Variants in DLG2 observed in about 807,000 individuals in gnomAD.
The protein encoded by DLG2 is disks large homolog 2.
A neutral mutation model predicts 132.5 loss-of-function variants in DLG2; 45 were observed. The observed-to-expected ratio is 0.34, with a 90% CI of 0.27 to 0.44. The LOEUF (loss-of-function observed/expected upper bound fraction) is 0.44, where lower values mean the gene tolerates loss of function less well. Ranked by LOEUF, DLG2 falls within the 20% of genes least tolerant of loss-of-function variation. The pLI is 1.00. For missense variants in DLG2, 1,045 were observed against 1,196.9 expected, an observed-to-expected ratio of 0.87 and a Z score of 1.87; for synonymous variants, 424 against 419.6, an observed-to-expected ratio of 1.01 and a Z score of -0.13.
At chr11:84,480,756 C>A (rs373795104) in intron 7 of DLG2, among the ~76,000 whole-genome samples, 2 of 113,038 alleles carry the variant, frequency 1.8e-5, no homozygotes, top group African/African-American at 3.2e-5. Flanking sequence ...TGGGGGTTTT[C>A]TTTTTTTTTT....
intron 7 of DLG2, among the ~76,000 whole-genome samples, chr11:84,469,502 A>T (rs973141087): frequency 6.6e-6 from 1 of 151,680 alleles, no homozygotes; most frequent in Admixed American, 6.6e-5. Context: ...TTCAGTAGCA[A>T]CAAATCCTTG....
At chr11:83,724,805 C>A (rs990429359) in intron 18 of DLG2, 4 of 701,844 alleles carry the variant, frequency 5.7e-6, no homozygotes, top group South Asian at 3.0e-5. Flanking sequence ...ACACCTCCCC[C>A]ACATGGTCTG....
chr11:84,201,114 T>C, intron 8 of DLG2, among the ~76,000 whole-genome samples: 1 of 152,194 alleles, frequency 6.6e-6, no homozygotes, highest in East Asian at 1.9e-4. Context: ...TTTTGAGGTA[T>C]GTTCCTTCAA....
chr11:83,821,510 G>A (rs2050783763), intron 17 of DLG2, among the ~76,000 whole-genome samples: 1 of 152,010 alleles, frequency 6.6e-6, no homozygotes, highest in African/African-American at 2.4e-5. Flanking sequence ...CATGCATTAC[G>A]ACCATGTTCA....
chr11:84,773,648 T>C (rs2069831797), intron 6 of DLG2, among the ~76,000 whole-genome samples: 1 of 151,732 alleles, frequency 6.6e-6, no homozygotes, highest in Non-Finnish European at 1.5e-5. Context: ...AATACGAAAA[T>C]CAATAAATGT....
chr11:83,994,601 A>G (rs192814059), intron 11 of DLG2, among the ~76,000 whole-genome samples: 1 of 152,250 alleles, frequency 6.6e-6, no homozygotes, highest in Admixed American at 6.5e-5. Context: ...TTCCATAAGC[A>G]TACTTTAACA....
intron 6 of DLG2, among the ~76,000 whole-genome samples, chr11:84,826,528 C>T (rs756486357): frequency 6.6e-6 from 1 of 151,856 alleles, no homozygotes; most frequent in East Asian, 1.9e-4. Flanking sequence ...TGGAATTGTT[C>T]TTTAATTCCT....
intron 19 of DLG2, among the ~76,000 whole-genome samples, chr11:83,587,808 G>A (rs985511943): frequency 6.6e-5 from 10 of 152,192 alleles, no homozygotes; most frequent in South Asian, 2.1e-4. Flanking sequence ...CCGAAGCAGG[G>A]CGAGGCATTG....
At chr11:84,470,214 G>C (rs10501564) in intron 7 of DLG2, among the ~76,000 whole-genome samples, 57,624 of 151,510 alleles carry the variant, frequency 0.38, 14,503 homozygotes, top group African/African-American at 0.72. Flanking sequence ...TCTAAATCAG[G>C]AAAGATAAGA....
At chr11:84,222,508 C>T (rs2096930142) in intron 8 of DLG2, among the ~76,000 whole-genome samples, 1 of 152,208 alleles carries the variant, frequency 6.6e-6, no homozygotes. Context: ...TCGATTTTCT[C>T]TTCCTTAGAT....
At position 84,210,618 on chromosome 11, in the gene DLG2, T is replaced by C. The variant is rs200733709; in HGVS notation, c.573+40620A>G. 5.3e-5 allele frequency among the ~76,000 whole-genome samples: 8 copies of C among 151,808 alleles called. No homozygotes were observed. The East Asian group carries it at 1.2e-3, about 22-fold the overall frequency. On this transcript the variant is annotated intron_variant, in intron 8 of 27. Coordinates refer to ENST00000376104, the MANE Select transcript of DLG2 (RefSeq NM_001142699.3). ...ACTGAAATGTCTATTATTGGGAACA[T>C]GGATAAACAAATTATTGTATGTTTA... is the stretch of plus-strand genomic sequence containing the variant.
intron 18 of DLG2, among the ~76,000 whole-genome samples, chr11:83,763,538 C>G (rs2094006545): frequency 6.6e-6 from 1 of 152,216 alleles, no homozygotes; most frequent in Admixed American, 6.5e-5. Flanking sequence ...CACAGCCAAT[C>G]TCACTTATGC....
At chr11:84,283,165 A>C (rs1180809042) in intron 7 of DLG2, among the ~76,000 whole-genome samples, 2 of 152,238 alleles carry the variant, frequency 1.3e-5, no homozygotes, top group Admixed American at 6.5e-5. Context: ...TGACACTAAA[A>C]TTATAACAAT....
At chr11:83,711,876 T>A (rs1439601176) in intron 18 of DLG2, among the ~76,000 whole-genome samples, 2 of 152,200 alleles carry the variant, frequency 1.3e-5, no homozygotes, top group East Asian at 3.8e-4. Flanking sequence ...TTAAAGAATT[T>A]ATTTTTTACT....
chr11:84,533,544 T>C lies in DLG2; in HGVS notation c.519+1026A>G, dbSNP rs1417427271. 2.0e-5 allele frequency among the ~76,000 whole-genome samples: 3 copies of C among 152,330 alleles called. No individual in the cohort carries two copies. The East Asian group carries it at 5.8e-4, about 29-fold the overall frequency. On this transcript the variant is annotated intron_variant, in intron 7 of 27. Coordinates refer to ENST00000376104, the MANE Select transcript of DLG2 (RefSeq NM_001142699.3). Reference sequence around the variant, plus strand: ...TATAGCTAATTTATTTGCTAATACATTTTTAGCATACCAATATGTTTGAAA... The same window carrying C: ...TATAGCTAATTTATTTGCTAATACACTTTTAGCATACCAATATGTTTGAAA...
chr11:85,438,556 A>G (rs1166071610), intron 3 of DLG2, among the ~76,000 whole-genome samples: 1 of 152,210 alleles, frequency 6.6e-6, no homozygotes, highest in Non-Finnish European at 1.5e-5. Flanking sequence ...TATACACTTT[A>G]CACAGTTTCA....
chr11:84,064,173 C>T (rs934816504), intron 10 of DLG2, among the ~76,000 whole-genome samples: 5 of 151,970 alleles, frequency 3.3e-5, no homozygotes, highest in South Asian at 2.1e-4. Context: ...TGTGATTTTA[C>T]GCATTTTTAA....
At chr11:83,657,515 C>CT (rs1323776607) in intron 18 of DLG2, among the ~76,000 whole-genome samples, 2 of 133,498 alleles carry the variant, frequency 1.5e-5, no homozygotes, top group Non-Finnish European at 1.6e-5. Context: ...GTAGTCCGTG[C>CT]TTTTATATAT....
At chr11:84,218,483 T>C (rs1389350590) in intron 8 of DLG2, among the ~76,000 whole-genome samples, 1 of 152,140 alleles carries the variant, frequency 6.6e-6, no homozygotes, top group Non-Finnish European at 1.5e-5. Flanking sequence ...CTCTTGTATC[T>C]ACATATTACT....
Sources: allele counts gnomAD v4.1 joint callset (sites outside exome capture counted in the v4.1 genomes callset), GRCh38; gene constraint gnomAD v4.1.1; transcripts MANE v1.5; gene names NCBI Gene and HGNC (gene_info 2026-07-23, HGNC 2026-07-21).